Variants in AR observed in about 807,000 individuals in gnomAD.
The protein encoded by AR is androgen receptor, also known as dihydrotestosterone receptor.
AR carries 8 observed loss-of-function variants against 53.9 expected under a neutral mutation model. The ratio of observed to expected loss-of-function variants is 0.15; its 90% CI spans 0.09 to 0.27. The LOEUF is 0.27. Among genes scored for constraint, AR ranks in the 10% least tolerant of loss-of-function variants. AR has a pLI of 1.00. For missense variants in AR, 639 were observed against 742.5 expected, an observed-to-expected ratio of 0.86 and a Z score of 1.62; for synonymous variants, 359 against 316.4, an observed-to-expected ratio of 1.13 and a Z score of -1.43.
At chrX:67,658,332 G>A (rs1926687813) in intron 2 of AR, among the ~76,000 whole-genome samples, 1 of 112,195 alleles carries the variant, frequency 8.9e-6, no homozygotes. Flanking sequence ...TTAGATGAAA[G>A]AACAGAAAGG....
rs1372279333 is a variant in AR, at chrX:67,728,092, G to A, written c.*4251G>A. The stretch of plus-strand genomic sequence containing the variant: ...ACCAAAATTCATAAGGGCAGGGGGG[G>A]AGCAAGCATTAGTGCCTCTTTGATA... On this transcript the variant is annotated 3_prime_UTR_variant, in exon 8 of 8. Coordinates refer to ENST00000374690, the MANE Select transcript of AR (RefSeq NM_000044.6). 1 of 172,095 alleles carries A rather than the reference G, an allele frequency of 5.8e-6. No individual in the cohort carries two copies. Among genetic ancestry groups the A allele is most frequent in the Admixed American group, 8.0e-5 (1 of 12,443 alleles). 14.2% of individuals were successfully genotyped at this position (172,095 alleles called of 1,213,427 possible). A position where few individuals can be genotyped will look rare whatever the true frequency, so the allele number is the denominator to read the frequency against.
At position 67,545,929 on chromosome X, in the gene AR, A is replaced by G. The variant is rs774259483; in HGVS notation, c.783A>G (p.Glu261=). ...CGTTGGAGCATCTGAGTCCAGGGGA[A>G]CAGCTTCGGGGGGATTGCATGTACG... The part of the protein sequence containing the change: ...VEALEHLSPG[E]QLRGDCMYAP... Residue 261 remains glutamate, a synonymous_variant, in exon 1 of 8, where the codon GAA becomes GAG. Coordinates refer to ENST00000374690, the MANE Select transcript of AR (RefSeq NM_000044.6). The G allele has an allele frequency of 8.3e-7, 1 of 1,211,970 alleles. No homozygotes were observed. The highest frequency in any genetic ancestry group is 2.2e-5 in the Admixed American group (1 of 46,117).
At chrX:67,595,732 T>C (rs1923048497) in intron 1 of AR, among the ~76,000 whole-genome samples, 1 of 109,950 alleles carries the variant, frequency 9.1e-6, no homozygotes, top group Non-Finnish European at 1.9e-5. Context: ...GAGGATTGCT[T>C]GAACCCAGGA....
intron 3 of AR, among the ~76,000 whole-genome samples, chrX:67,710,043 T>A (rs1334797379): frequency 9.0e-6 from 1 of 111,107 alleles, no homozygotes; most frequent in Non-Finnish European, 1.9e-5. Flanking sequence ...TCAAAATGTA[T>A]GTGTGTGTGT....
intron 3 of AR, among the ~76,000 whole-genome samples, chrX:67,689,294 A>C (rs2075983282): frequency 9.0e-6 from 1 of 111,515 alleles, no homozygotes; most frequent in African/African-American, 3.3e-5. Flanking sequence ...CACCTACTTA[A>C]GATATCTGTC....
intron 1 of AR, among the ~76,000 whole-genome samples, chrX:67,551,395 C>T (rs1929993433): frequency 8.9e-6 from 1 of 111,777 alleles, no homozygotes; most frequent in Non-Finnish European, 1.9e-5. Context: ...TATCAGCATT[C>T]CATCAAGTTC....
In AR at chrX:67,707,599, C is replaced by A. The variant is rs766622765; in HGVS notation, c.1886-3803C>A. On this transcript the variant is annotated intron_variant, in intron 3 of 7. Coordinates refer to ENST00000374690, the MANE Select transcript of AR (RefSeq NM_000044.6). The stretch of plus-strand genomic sequence containing the variant: ...GGGTCTTGACTCTTTATCCAATTTG[C>A]CAGTCTGTGTCTTTTAATTGGAGCA... Among the ~76,000 whole-genome samples the A allele has an allele frequency of 3.2e-4, 36 of 111,812 alleles. 1 individual carries two copies. The highest frequency in any genetic ancestry group is 2.6e-3 in the South Asian group (7 of 2,648).
chrX:67,627,916 T>G (rs1015188990), intron 1 of AR, among the ~76,000 whole-genome samples: 5 of 112,003 alleles, frequency 4.5e-5, no homozygotes, highest in African/African-American at 1.6e-4. Flanking sequence ...TTGCTTATTT[T>G]TGTCAGGTTT....
rs909571896 is a variant in AR at position 67,725,469 on chromosome X, G to A, written c.*1628G>A. The A allele has an allele frequency of 2.9e-5, 5 of 174,227 alleles. No homozygotes were observed. Among genetic ancestry groups the A allele is most frequent in the Non-Finnish European group, 5.5e-5 (5 of 91,538 alleles). 14.4% of individuals were successfully genotyped at this position (174,227 alleles called of 1,213,427 possible). A position where few individuals can be genotyped will look rare whatever the true frequency, so the allele number is the denominator to read the frequency against. On this transcript the variant is annotated 3_prime_UTR_variant, in exon 8 of 8. Coordinates refer to ENST00000374690, the MANE Select transcript of AR (RefSeq NM_000044.6). Reference sequence around the variant, plus strand: ...TTGAAGAGAAAACTCAATTACCAGGGTGGGAAGAATGAAGGCACTAGAACC... The same window carrying A: ...TTGAAGAGAAAACTCAATTACCAGGATGGGAAGAATGAAGGCACTAGAACC...
At chrX:67,723,312 C>CTCTGTGTGTGTGTGTGTGTGTGTGTGTG (rs1555997940) in intron 7 of AR, among the ~76,000 whole-genome samples, 1 of 78,009 alleles carries the variant, frequency 1.3e-5, no homozygotes, top group African/African-American at 5.4e-5. Flanking sequence ...GTTTGTCTGT[C>CTCTGTGTGTGTGTGTGTGTGTGTGTGTG]TGTGTGTGTG....
intron 1 of AR, among the ~76,000 whole-genome samples, chrX:67,596,779 A>G (rs940705485): frequency 5.3e-5 from 6 of 112,376 alleles, no homozygotes; most frequent in African/African-American, 1.9e-4. Flanking sequence ...CTCACTTGAA[A>G]AGACATGTGT....
At chrX:67,625,474 C>T (rs1050497041) in intron 1 of AR, among the ~76,000 whole-genome samples, 5 of 110,842 alleles carry the variant, frequency 4.5e-5, no homozygotes, top group Middle Eastern at 4.6e-3. Flanking sequence ...AAAACAAAGT[C>T]GGCGTACCCA....
chrX:67,624,990 A>G (rs1425374302), intron 1 of AR, among the ~76,000 whole-genome samples: 1 of 107,402 alleles, frequency 9.3e-6, no homozygotes, highest in African/African-American at 3.4e-5. Flanking sequence ...ATCTATATTC[A>G]CAGATGACAT....
At chrX:67,583,009 A>G (rs1008454992) in intron 1 of AR, among the ~76,000 whole-genome samples, 2 of 112,073 alleles carry the variant, frequency 1.8e-5, no homozygotes, top group Non-Finnish European at 3.8e-5. Context: ...ATTTTTGGTC[A>G]TTGCAAACAG....
chrX:67,663,195 A>G (rs747031655), intron 2 of AR, among the ~76,000 whole-genome samples: 36 of 111,612 alleles, frequency 3.2e-4, no homozygotes, highest in African/African-American at 1.1e-3. Flanking sequence ...TTTGCTCGTT[A>G]GTTGATGCAG....
chrX:67,632,460 C>A (rs999680280), intron 1 of AR, among the ~76,000 whole-genome samples: 1 of 112,469 alleles, frequency 8.9e-6, no homozygotes, highest in Non-Finnish European at 1.9e-5. Flanking sequence ...TGACCCCTTG[C>A]GCTTCCCGAG....
At chrX:67,568,757 C>T (rs954929272) in intron 1 of AR, 29 of 923,704 alleles carry the variant, frequency 3.1e-5, no homozygotes, top group African/African-American at 1.0e-4. Context: ...TTATCTGCGC[C>T]GTCCCTCCTC....
At chrX:67,599,602 T>C (rs1053204378) in intron 1 of AR, among the ~76,000 whole-genome samples, 2 of 111,914 alleles carry the variant, frequency 1.8e-5, no homozygotes, top group African/African-American at 6.5e-5. Flanking sequence ...ACCAAACAGG[T>C]GCTCAATCAA....
At chrX:67,669,761 C>T (rs1282398465) in intron 2 of AR, among the ~76,000 whole-genome samples, 1 of 110,042 alleles carries the variant, frequency 9.1e-6, no homozygotes, top group Non-Finnish European at 1.9e-5. Context: ...TTGTTGTATC[C>T]TCCTGATGAA....
Sources: allele counts gnomAD v4.1 joint callset (sites outside exome capture counted in the v4.1 genomes callset), GRCh38; gene constraint gnomAD v4.1.1; transcripts MANE v1.5; gene names NCBI Gene and HGNC (gene_info 2026-07-23, HGNC 2026-07-21).